P3H2: variants seen among roughly 807,000 people sequenced by gnomAD.
P3H2 encodes leprecan-like 1.
P3H2 carries 80 observed loss-of-function variants against 87.0 expected under a neutral mutation model. The ratio of observed to expected loss-of-function variants is 0.92; its 90% CI spans 0.77 to 1.11. The LOEUF is 1.11. Ranked by LOEUF, P3H2 falls within the 50% of genes least tolerant of loss-of-function variation. The pLI is 0.00. For missense variants in P3H2, 1,001 were observed against 923.9 expected (o/e 1.08, Z -1.08); for synonymous variants, 367 against 359.3 (o/e 1.02, Z -0.24).
At position 190,013,330 on chromosome 3, in the gene P3H2, C is replaced by G. The variant is rs148712322; in HGVS notation, c.481-17888G>C. Among the ~76,000 whole-genome samples, 726 of 152,296 alleles carry G rather than the reference C, an allele frequency of 4.8e-3. 7 individuals are homozygous for G. Among genetic ancestry groups the G allele is most frequent in the African/African-American group, 0.017 (703 of 41,556 alleles). On this transcript the variant is annotated intron_variant, in intron 1 of 14. Transcript: ENST00000319332. ...AAAAATTATGGCAGCTGGTTACAAA[C>G]TATAGCAGTCTCCTGATAGCTGTTT...
intron 1 of P3H2, among the ~76,000 whole-genome samples, chr3:190,001,903 T>C (rs2108928554): frequency 6.6e-6 from 1 of 152,320 alleles, no homozygotes; most frequent in East Asian, 1.9e-4. Flanking sequence ...ATATGAATAA[T>C]ATATTAAAAG....
chr3:189,960,100 G>T (rs1722768461), intron 14 of P3H2, among the ~76,000 whole-genome samples: 1 of 151,962 alleles, frequency 6.6e-6, no homozygotes, highest in African/African-American at 2.4e-5. Context: ...TATTGTCTCT[G>T]GGCCTTTGCA....
intron 1 of P3H2, among the ~76,000 whole-genome samples, chr3:190,014,946 C>G (rs942175619): frequency 6.6e-6 from 1 of 152,156 alleles, no homozygotes; most frequent in African/African-American, 2.4e-5. Flanking sequence ...CTTAAGCAAA[C>G]CATTCAATAT....
intron 6 of P3H2, 43 bp from the exon 7 acceptor site, chr3:189,984,633 A>T: frequency 7.6e-7 from 1 of 1,323,556 alleles, no homozygotes; most frequent in Non-Finnish European, 1.1e-6. Flanking sequence ...TAATTTTGTC[A>T]CTAAAACATC....
At chr3:189,980,688 T>C (rs1196397774) in intron 8 of P3H2, among the ~76,000 whole-genome samples, 1 of 152,244 alleles carries the variant, frequency 6.6e-6, no homozygotes, top group Admixed American at 6.5e-5. Context: ...TTAGTTATGA[T>C]ATAATAAGAA....
intron 1 of P3H2, among the ~76,000 whole-genome samples, chr3:190,041,194 C>G (rs1725620848): frequency 7.1e-6 from 1 of 140,246 alleles, no homozygotes; most frequent in Admixed American, 7.5e-5. Flanking sequence ...ATCATTTGAG[C>G]CTAGGAGGTT....
At chr3:190,111,503 T>C (rs1160983752) in intron 1 of P3H2, among the ~76,000 whole-genome samples, 1 of 152,010 alleles carries the variant, frequency 6.6e-6, no homozygotes, top group Admixed American at 6.6e-5. Context: ...TGCAGAAAGA[T>C]AGGGTGGTAA....
chr3:190,000,446 G>A (rs1724175526), intron 1 of P3H2, among the ~76,000 whole-genome samples: 1 of 152,204 alleles, frequency 6.6e-6, no homozygotes, highest in African/African-American at 2.4e-5. Flanking sequence ...CATTCTCATA[G>A]AAGGGGACAA....
In P3H2 at chr3:189,994,150, C is replaced by T; in HGVS notation, c.767G>A (p.Arg256Lys). 6.2e-7 allele frequency: 1 copy of T among 1,613,720 alleles called. No homozygotes were observed. Among genetic ancestry groups the T allele is most frequent in the East Asian group, 2.2e-5 (1 of 44,880 alleles). ...ECRTLCEGPQ[R>K]FEEYEYLGYK... ...CCCTAAATACTCATATTCTTCAAAT[C>T]TCTGAGGCCCCTCACATAGGGTCCG... Residue 256 changes from arginine to lysine, a missense_variant, in exon 3 of 15, where the codon AGA becomes AAA. By Grantham distance (26) the Arg-to-Lys change is conservative. Coordinates refer to ENST00000319332, the MANE Select transcript of P3H2 (RefSeq NM_018192.4).
chr3:190,104,321 T>G (rs1711747891), intron 1 of P3H2, among the ~76,000 whole-genome samples: 1 of 152,112 alleles, frequency 6.6e-6, no homozygotes, highest in South Asian at 2.1e-4. Context: ...CACCTTTATG[T>G]CAGCTGGTCC....
intron 13 of P3H2, chr3:189,969,127 G>T (rs1723094695): frequency 5.3e-6 from 3 of 562,054 alleles, no homozygotes; most frequent in Non-Finnish European, 9.8e-6. Context: ...TAAACTTTTG[G>T]CTTTACTAGC....
chr3:190,078,081 G>A lies in P3H2; in HGVS notation c.480+42171C>T, dbSNP rs558400875. ...AGAGATGAAAGTATTGATGGGTAGC[G>A]ACTCCAAATCCTCTCCATCCCCTTT... is the stretch of plus-strand genomic sequence containing the variant. On this transcript the variant is annotated intron_variant, in intron 1 of 14. Coordinates refer to ENST00000319332, the MANE Select transcript of P3H2 (RefSeq NM_018192.4). 2.0e-5 allele frequency among the ~76,000 whole-genome samples: 3 copies of A among 152,298 alleles called. No individual in the cohort carries two copies. The South Asian group carries it at 6.2e-4, about 32-fold the overall frequency.
intron 9 of P3H2, 126 bp downstream of exon 9, chr3:189,974,432 T>G: frequency 7.9e-7 from 1 of 1,270,800 alleles, no homozygotes; most frequent in Non-Finnish European, 1.1e-6. Context: ...ATAATTTATG[T>G]CTTTCTCCTC....
chr3:190,030,667 GT>G (rs1290333706), intron 1 of P3H2, among the ~76,000 whole-genome samples: 55 of 152,194 alleles, frequency 3.6e-4, no homozygotes, highest in Non-Finnish European at 4.3e-4. Flanking sequence ...AAAGGAAGAG[GT>G]AAAATTTTGA....
intron 1 of P3H2, among the ~76,000 whole-genome samples, chr3:190,090,387 C>T (rs1381156797): frequency 6.6e-6 from 1 of 152,138 alleles, no homozygotes; most frequent in Non-Finnish European, 1.5e-5. Context: ...TCTCACTGAG[C>T]ATATTTTAGA....
At chr3:190,039,771 G>C (rs753398782) in intron 1 of P3H2, among the ~76,000 whole-genome samples, 1 of 152,162 alleles carries the variant, frequency 6.6e-6, no homozygotes, top group Admixed American at 6.5e-5. Context: ...GAGATTATTC[G>C]GGTTGATTTT....
chr3:190,024,530 CAAAAAAAAAAAA>C (rs71635314), intron 1 of P3H2, among the ~76,000 whole-genome samples: 11 of 52,946 alleles, frequency 2.1e-4, no homozygotes, highest in South Asian at 1.2e-3. Flanking sequence ...GGTTCCCTCT[CAAAAAAAAAAAA>C]AAAAAAAAAA....
At chr3:190,032,250 T>A (rs1245303653) in intron 1 of P3H2, among the ~76,000 whole-genome samples, 2 of 151,858 alleles carry the variant, frequency 1.3e-5, no homozygotes, top group Non-Finnish European at 2.9e-5. Context: ...AGAGAAATAT[T>A]TTTTTTTCAA....
chr3:190,109,507 T>C (rs772076475), intron 1 of P3H2, among the ~76,000 whole-genome samples: 13 of 152,212 alleles, frequency 8.5e-5, no homozygotes, highest in Admixed American at 7.2e-4. Flanking sequence ...ATGAGAAATA[T>C]AGTCATTCTG....
Sources: gnomAD v4.1 joint callset for allele counts (sites outside exome capture counted in the v4.1 genomes callset) on GRCh38, gnomAD v4.1.1 for gene constraint, MANE v1.5 for transcripts, NCBI Gene and HGNC (gene_info 2026-07-23, HGNC 2026-07-21) for gene names.